The following ARK2C variants were observed in gnomAD, a reference collection of about 807,000 sequenced individuals.
ARK2C encodes arkadia (RNF111) C-terminal like ring finger ubiquitin ligase 2C, also known as E3 ubiquitin-protein ligase ARK2C.
the ARK2C span, among the ~76,000 whole-genome samples, chr18:46,439,862 C>T: frequency 8.5e-5 from 13 of 152,104 alleles, no homozygotes; most frequent in African/African-American, 2.2e-4. Context: ...GACGGAGTCT[C>T]GCTCTGTCGC....
At chr18:46,383,710 G>T in the ARK2C span, among the ~76,000 whole-genome samples, 1 of 151,908 alleles carries the variant, frequency 6.6e-6, no homozygotes, top group African/African-American at 2.4e-5. Context: ...AGCCACCACC[G>T]CGCCCGGCTA....
chr18:46,407,005 T>C, the ARK2C span, among the ~76,000 whole-genome samples: 2 of 152,272 alleles, frequency 1.3e-5, no homozygotes, highest in African/African-American at 4.8e-5. Context: ...CTATTTATGG[T>C]GCTTTTATTT....
At chr18:46,334,904 A>G in the ARK2C span, 2 of 162,988 alleles carry the variant, frequency 1.2e-5, no homozygotes, top group Admixed American at 1.3e-4. The surrounding 1 kb of genome is among the most constrained non-coding windows in gnomAD (Gnocchi z 4.4). Flanking sequence ...TCTCGTGGGC[A>G]CTTGCACGAT....
the ARK2C span, among the ~76,000 whole-genome samples, chr18:46,448,827 T>C: frequency 6.6e-6 from 1 of 152,196 alleles, no homozygotes; most frequent in African/African-American, 2.4e-5. Context: ...AAAAGCTTGA[T>C]TGAAAATCTT....
At chr18:46,461,382 C>T in the ARK2C span, 5 of 152,428 alleles carry the variant, frequency 3.3e-5, no homozygotes, top group Admixed American at 6.5e-5. Context: ...TGGTGGCTCA[C>T]GCCTGTAATC....
chr18:46,421,412 G>A, the ARK2C span, among the ~76,000 whole-genome samples: 1 of 152,132 alleles, frequency 6.6e-6, no homozygotes, highest in Non-Finnish European at 1.5e-5. Context: ...TTCTTACTGT[G>A]TATTAGGATC....
the ARK2C span, among the ~76,000 whole-genome samples, chr18:46,440,590 G>T: frequency 6.6e-6 from 1 of 152,308 alleles, no homozygotes; most frequent in East Asian, 1.9e-4. Context: ...TATCTCGAGA[G>T]ATAATGATTC....
chr18:46,452,399 C>T, the ARK2C span, among the ~76,000 whole-genome samples: 1 of 152,116 alleles, frequency 6.6e-6, no homozygotes, highest in East Asian at 1.9e-4. Context: ...CCCACGTCAG[C>T]CTCCCAAGCA....
the ARK2C span, among the ~76,000 whole-genome samples, chr18:46,400,047 G>A: frequency 6.6e-6 from 1 of 152,202 alleles, no homozygotes; most frequent in Admixed American, 6.5e-5. Context: ...GGGGTGCTGG[G>A]CACTCTGGTC....
At chr18:46,430,768 A>T in the ARK2C span, among the ~76,000 whole-genome samples, 193 of 151,988 alleles carry the variant, frequency 1.3e-3, no homozygotes, top group African/African-American at 4.1e-3. Flanking sequence ...TTGTTTTCTC[A>T]TTGATCCTTC....
At chr18:46,345,116 C>G in the ARK2C span, among the ~76,000 whole-genome samples, 113 of 138,848 alleles carry the variant, frequency 8.1e-4, no homozygotes, top group African/African-American at 3.6e-3. Flanking sequence ...GGGGTGCCTG[C>G]GATGCAGGGC....
At chr18:46,447,171 A>G in the ARK2C span, among the ~76,000 whole-genome samples, 1 of 152,184 alleles carries the variant, frequency 6.6e-6, no homozygotes, top group Non-Finnish European at 1.5e-5. Context: ...TCAAAGTGGT[A>G]AAAATATAGC....
At chr18:46,394,955 G>A in the ARK2C span, among the ~76,000 whole-genome samples, 1 of 152,196 alleles carries the variant, frequency 6.6e-6, no homozygotes, top group Non-Finnish European at 1.5e-5. Context: ...GCTTTGCTCC[G>A]AATGTGCTAT....
At chr18:46,391,551 G>A in the ARK2C span, among the ~76,000 whole-genome samples, 6 of 151,992 alleles carry the variant, frequency 3.9e-5, no homozygotes, top group Non-Finnish European at 5.9e-5. Flanking sequence ...AGCTCCTGAG[G>A]CCTCTATGGG....
At chr18:46,375,920 G>A in the ARK2C span, among the ~76,000 whole-genome samples, 1 of 152,202 alleles carries the variant, frequency 6.6e-6, no homozygotes, top group Non-Finnish European at 1.5e-5. Context: ...TGCCTTTGAT[G>A]AGACTGTACA....
the ARK2C span, among the ~76,000 whole-genome samples, chr18:46,350,839 C>A: frequency 9.9e-5 from 15 of 152,236 alleles, no homozygotes; most frequent in African/African-American, 3.6e-4. Context: ...ATATCTCTGA[C>A]ATAGAGATTA....
the ARK2C span, among the ~76,000 whole-genome samples, chr18:46,393,739 G>T: frequency 6.6e-6 from 1 of 152,214 alleles, no homozygotes; most frequent in Non-Finnish European, 1.5e-5. Flanking sequence ...GCAGGCCAGT[G>T]GGGAGAGAGG....
the ARK2C span, among the ~76,000 whole-genome samples, chr18:46,369,247 G>T: frequency 2.0e-5 from 3 of 152,186 alleles, no homozygotes; most frequent in African/African-American, 7.2e-5. Context: ...CCAATTGAAG[G>T]GTGGTTCAAG....
chr18:46,456,705 CA>C, the ARK2C span: 1 of 1,109,434 alleles, frequency 9.0e-7, no homozygotes, highest in African/African-American at 1.5e-5. Context: ...CCCTTGCAGC[CA>C]AACTTTGCCT....
Sources: allele counts gnomAD v4.1 joint callset (sites outside exome capture counted in the v4.1 genomes callset), GRCh38; gene constraint gnomAD v4.1.1; non-coding constraint Gnocchi (gnomAD v3.1); transcripts MANE v1.5; gene names NCBI Gene and HGNC (gene_info 2026-07-23, HGNC 2026-07-21).